CNGA2: variants seen among roughly 807,000 people sequenced by gnomAD.
The protein encoded by CNGA2 is cyclic nucleotide-gated channel alpha-2.
In CNGA2, 22 loss-of-function variants were observed where a neutral mutation model predicts 35.9. That is an observed-to-expected ratio of 0.61 (90% CI 0.44 to 0.88). CNGA2 has a LOEUF of 0.88. Among genes scored for constraint, CNGA2 ranks in the 40% least tolerant of loss-of-function variants. The pLI is 0.00. For synonymous variants in CNGA2, 217 were observed against 209.2 expected (o/e 1.04, Z -0.32); for missense variants, 555 against 530.8 (o/e 1.05, Z -0.45).
chrX:151,743,725 A>G lies in CNGA2; in HGVS notation c.1222A>G (p.Lys408Glu). The G allele has an allele frequency of 8.3e-7, 1 of 1,211,893 alleles. No individual in the cohort carries two copies. The highest frequency in any genetic ancestry group is 1.1e-6 in the Non-Finnish European group (1 of 895,589). ...FRKVSKGMEA[K>E]VIRWFDYLWT... ...AAAGGTCAGCAAGGGGATGGAAGCC[A>G]AGGTCATTAGGTGGTTTGACTACTT... The change falls in exon 7 of 7, where the codon AAG becomes GAG. Residue 408 changes from lysine to glutamate, a missense_variant. Physicochemically the swap from Lys to Glu is moderately conservative, Grantham distance 56. Transcript: ENST00000329903.
rs1328464913 is a variant in CNGA2 at position 151,743,562 on chromosome X, C to T, written c.1059C>T (p.Val353=). 20 of 1,211,358 alleles carry T rather than the reference C, an allele frequency of 1.7e-5. No homozygotes were observed. The East Asian group carries it at 5.9e-4, about 36-fold the overall frequency. Residue 353 remains valine, a synonymous_variant, in exon 7 of 7, where the codon GTC becomes GTT. Coordinates refer to ENST00000329903, the MANE Select transcript of CNGA2 (RefSeq NM_005140.3). ...TAAAGGATGAGGAGTACCTATTTGTCATCTTTGACTTCCTGATTGGCGTCC... is the reference window on the plus strand; with the variant it reads ...TAAAGGATGAGGAGTACCTATTTGTTATCTTTGACTTCCTGATTGGCGTCC... The part of the protein sequence containing the change: ...PPVKDEEYLF[V]IFDFLIGVLI...
At chrX:151,735,483 G>T (rs918718792) in intron 1 of CNGA2, among the ~76,000 whole-genome samples, 5 of 111,156 alleles carry the variant, frequency 4.5e-5, no homozygotes, top group African/African-American at 9.8e-5. Context: ...GAACACTGGG[G>T]TTTTGCAAGA....
At chrX:151,737,073 GT>G (rs2015253951) in intron 1 of CNGA2, among the ~76,000 whole-genome samples, 1 of 111,916 alleles carries the variant, frequency 8.9e-6, no homozygotes, top group African/African-American at 3.3e-5. Context: ...CTCTGAGGCT[GT>G]TTGACGTGCC....
chrX:151,744,190 T>C lies in CNGA2; in HGVS notation c.1687T>C (p.Tyr563His), dbSNP rs1270792990. 22 of 1,207,706 alleles carry C rather than the reference T, an allele frequency of 1.8e-5. No individual in the cohort carries two copies. The highest frequency in any genetic ancestry group is 2.2e-5 in the Non-Finnish European group (20 of 894,763). The change falls in exon 7 of 7, where the codon TAC becomes CAC. Residue 563 changes from tyrosine to histidine, a missense_variant. Physicochemically the swap from Tyr to His is moderately conservative, Grantham distance 83. Coordinates refer to ENST00000329903, the MANE Select transcript of CNGA2 (RefSeq NM_005140.3). ...KDDLMEAVTE[Y>H]PDAKKVLEER... The stretch of plus-strand genomic sequence containing the variant: ...TGATCTTATGGAAGCTGTGACTGAG[T>C]ACCCTGATGCCAAGAAAGTCCTAGA...
Position 151,742,568 on chromosome X carries a change from A to T in CNGA2, c.515A>T (p.Tyr172Phe). The change falls in exon 6 of 7, where the codon TAC becomes TTC. Residue 172 changes from tyrosine (Y) to phenylalanine (F), a missense_variant. Physicochemically the swap from Tyr to Phe is conservative, Grantham distance 22 (BLOSUM62 3). Transcript: ENST00000329903. ...TTCAGTGACCTACAGAAAGGCTACT[A>T]CCTGGTGTGGCTGGTGCTGGATTAT... ...ACFSDLQKGY[Y>F]LVWLVLDYVS... 8.3e-7 allele frequency: 1 copy of T among 1,207,798 alleles called. No individual in the cohort carries two copies. The highest frequency in any genetic ancestry group is 3.0e-5 in the East Asian group (1 of 33,661).
chrX:151,737,695 G>A (rs760163710), intron 1 of CNGA2, among the ~76,000 whole-genome samples: 4 of 111,572 alleles, frequency 3.6e-5, no homozygotes, highest in East Asian at 2.9e-4. Flanking sequence ...CCTGCTCTGC[G>A]CAGAGGAGAG....
Position 151,738,836 on chromosome X carries a change from G to T in CNGA2, c.160G>T (p.Ala54Ser). Reference sequence around the variant, plus strand: ...CACCTCCTCAGAACTGCAGAGGCTGGCAGACGTGGATGCCCCACAGCAGGG... The same window carrying T: ...CACCTCCTCAGAACTGCAGAGGCTGTCAGACGTGGATGCCCCACAGCAGGG... The part of the protein sequence containing the change: ...DDTSSELQRL[A>S]DVDAPQQGRS... Residue 54 changes from alanine (A) to serine (S), a missense_variant, in exon 3 of 7, where the codon GCA becomes TCA. Ala to Ser is a moderately conservative substitution (Grantham distance 99, BLOSUM62 1). Transcript: ENST00000329903. The T allele has an allele frequency of 8.5e-7, 1 of 1,177,955 alleles. No homozygotes were observed. Among genetic ancestry groups the T allele is most frequent in the Non-Finnish European group, 1.1e-6 (1 of 878,193 alleles).
chrX:151,738,429 G>A, intron 1 of CNGA2, 29 bp from the exon 2 acceptor site: 1 of 1,010,641 alleles, frequency 9.9e-7, no homozygotes, highest in Non-Finnish European at 1.4e-6. Context: ...GGTCCTCTGT[G>A]ACCTTCTTCT....
At position 151,744,763 on chromosome X, in the gene CNGA2, C is replaced by T; in HGVS notation, c.*265C>T. On this transcript the variant is annotated 3_prime_UTR_variant, in exon 7 of 7. Coordinates refer to ENST00000329903, the MANE Select transcript of CNGA2 (RefSeq NM_005140.3). ...GTCTGAGGAAGGGAGAAGGGGGCAG[C>T]TGTCTGCCAGGAGTCTGGCTCTTTT... The T allele has an allele frequency of 3.2e-6, 1 of 315,249 alleles. No individual in the cohort carries two copies. The highest frequency in any genetic ancestry group is 4.5e-5 in the East Asian group (1 of 22,339). 26.0% of individuals were successfully genotyped at this position (315,249 alleles called of 1,213,427 possible).
At chrX:151,738,621 A>G (rs1320575332) in intron 2 of CNGA2, 28 bp downstream of exon 2, 1 of 1,149,251 alleles carries the variant, frequency 8.7e-7, no homozygotes, top group South Asian at 1.8e-5. Context: ...CAGGGAAGGT[A>G]CAGAGGCTGC....
rs755787323 is a variant in CNGA2 at position 151,743,860 on chromosome X, C to T, written c.1357C>T (p.Arg453Cys). The T allele has an allele frequency of 1.2e-5, 14 of 1,209,500 alleles. No homozygotes were observed. The highest frequency in any genetic ancestry group is 1.8e-5 in the African/African-American group (1 of 56,926). Residue 453 changes from arginine to cysteine, a missense_variant, in exon 7 of 7, where the codon CGC becomes TGC. Arg to Cys is a radical substitution (Grantham distance 180, BLOSUM62 -3). Transcript: ENST00000329903. ...CCACTTGTCCACACTCAAGAAAGTGCGCATCTTCCATGATTGTGAGGCTGG... is the reference window on the plus strand; with the variant it reads ...CCACTTGTCCACACTCAAGAAAGTGTGCATCTTCCATGATTGTGAGGCTGG... ...NVHLSTLKKV[R>C]IFHDCEAGLL...
chrX:151,735,335 T>C, intron 1 of CNGA2, among the ~76,000 whole-genome samples: 2 of 112,160 alleles, frequency 1.8e-5, no homozygotes, highest in Non-Finnish European at 3.8e-5. Context: ...CCAAGCCTTT[T>C]CTTGTCCTCG....
Position 151,744,857 on chromosome X carries a change from T to C in CNGA2, c.*359T>C, listed in dbSNP as rs750657766. 4.9e-6 allele frequency: 1 copy of C among 204,813 alleles called. No individual in the cohort carries two copies. Among genetic ancestry groups the C allele is most frequent in the African/African-American group, 2.9e-5 (1 of 34,532 alleles). The allele number at this position is 204,813 out of a possible 1,213,427, so 16.9% of individuals were successfully genotyped here. A position where few individuals can be genotyped will look rare whatever the true frequency, so the allele number is the denominator to read the frequency against. ...AACATGTCTTCTGAATGCTTCCTTT[T>C]TCCCTGCACACGCATGTACTTCGAG... On this transcript the variant is annotated 3_prime_UTR_variant, in exon 7 of 7. Coordinates refer to ENST00000329903, the MANE Select transcript of CNGA2 (RefSeq NM_005140.3).
At chrX:151,740,331 C>T (rs1221831085) in intron 4 of CNGA2, among the ~76,000 whole-genome samples, 2 of 112,519 alleles carry the variant, frequency 1.8e-5, no homozygotes, top group Non-Finnish European at 3.8e-5. Flanking sequence ...GATTTGGAGG[C>T]TGGAGGCCAA....
chrX:151,742,754 A>G (rs892948590), intron 6 of CNGA2, 112 bp downstream of exon 6: 1 of 513,569 alleles, frequency 1.9e-6, no homozygotes. Flanking sequence ...CTGGTAGGTG[A>G]GTACCCTTCT....
rs2124367290 is a variant in CNGA2, at chrX:151,738,553, A to G, written c.70A>G (p.Ile24Val). 1 of 1,211,575 alleles carries G rather than the reference A, an allele frequency of 8.3e-7. No homozygotes were observed. The highest frequency in any genetic ancestry group is 3.0e-5 in the East Asian group (1 of 33,842). The part of the protein sequence containing the change: ...NNHNHHAPPA[I>V]KANGKDDHRT... ...TCACAACCATCATGCACCTCCTGCC[A>G]TCAAGGCCAATGGCAAAGATGACCA... The change falls in exon 2 of 7, where the codon ATC becomes GTC. Residue 24 changes from isoleucine (I) to valine (V), a missense_variant. Coordinates refer to ENST00000329903, the MANE Select transcript of CNGA2 (RefSeq NM_005140.3).
In CNGA2 at chrX:151,744,726, C is replaced by T. The variant is rs1279902246; in HGVS notation, c.*228C>T. ...GCGTTGGCTGGGCTTCCGAGAGCTT[C>T]GGCCTGCCTAAGTCTGAGGAAGGGA... On this transcript the variant is annotated 3_prime_UTR_variant, in exon 7 of 7. Transcript: ENST00000329903. 3.6e-5 allele frequency: 12 copies of T among 336,734 alleles called. No individual in the cohort carries two copies. The highest frequency in any genetic ancestry group is 3.1e-4 in the Admixed American group (6 of 19,470). 27.8% of individuals were successfully genotyped at this position (336,734 alleles called of 1,213,427 possible).
chrX:151,736,784 G>A (rs142697450), intron 1 of CNGA2, among the ~76,000 whole-genome samples: 1,297 of 111,060 alleles, frequency 0.012, 22 homozygotes, highest in African/African-American at 0.039. Context: ...CCTTAGAGAG[G>A]ATGTGAACAT....
Position 151,738,814 on chromosome X carries a change from C to T in CNGA2, c.138C>T (p.Thr46=), listed in dbSNP as rs372716842. 19 of 1,175,641 alleles carry T rather than the reference C, an allele frequency of 1.6e-5. No individual in the cohort carries two copies. Among genetic ancestry groups the T allele is most frequent in the African/African-American group, 3.5e-5 (2 of 56,680 alleles). ...SRPHSAADDD[T]SSELQRLADV... ...CACACTCTGCAGCTGACGATGACAC[C>T]TCCTCAGAACTGCAGAGGCTGGCAG... The change falls in exon 3 of 7, where the codon ACC becomes ACT. Residue 46 remains threonine (T), a synonymous_variant. Coordinates refer to ENST00000329903, the MANE Select transcript of CNGA2 (RefSeq NM_005140.3).
Sources: allele counts gnomAD v4.1 joint callset (sites outside exome capture counted in the v4.1 genomes callset), GRCh38; gene constraint gnomAD v4.1.1; transcripts MANE v1.5; gene names NCBI Gene and HGNC (gene_info 2026-07-23, HGNC 2026-07-21).